EPM2A: variants seen among roughly 807,000 people sequenced by gnomAD.
EPM2A encodes EPM2A glucan phosphatase, laforin.
EPM2A carries 21 observed loss-of-function variants against 26.5 expected under a neutral mutation model. The observed-to-expected ratio is 0.79, with a 90% confidence interval of 0.56 to 1.14. The LOEUF (loss-of-function observed/expected upper bound fraction) is 1.14, where lower values mean the gene tolerates loss of function less well. Among genes scored for constraint, EPM2A ranks in the 50% most tolerant of loss-of-function variants. The pLI is 0.00. For missense variants in EPM2A, 458 were observed against 440.8 expected, an observed-to-expected ratio of 1.04 and a Z score of -0.35; for synonymous variants, 217 against 177.6, an observed-to-expected ratio of 1.22 and a Z score of -1.76.
chr6:145,483,633 T>A (rs1779636260), intron 4 of EPM2A, among the ~76,000 whole-genome samples: 1 of 152,132 alleles, frequency 6.6e-6, no homozygotes, highest in Non-Finnish European at 1.5e-5. Context: ...TGACTTTGAA[T>A]CAGAACTCAA....
intron 2 of EPM2A, among the ~76,000 whole-genome samples, chr6:145,565,098 T>C (rs142478054): frequency 6.6e-6 from 1 of 152,294 alleles, no homozygotes; most frequent in African/African-American, 2.4e-5. Context: ...TTGACTTCTC[T>C]GTTTGTCTGC....
At chr6:145,488,677 G>A (rs192430407) in intron 4 of EPM2A, among the ~76,000 whole-genome samples, 6 of 151,642 alleles carry the variant, frequency 4.0e-5, no homozygotes, top group African/African-American at 7.3e-5. Flanking sequence ...AGGATTGGGG[G>A]AAAAGATTCC....
intron 2 of EPM2A, among the ~76,000 whole-genome samples, chr6:145,596,919 GCTCTGTC>G: frequency 1.0e-5 from 1 of 100,388 alleles, no homozygotes. Context: ...ACGGAGTCTC[GCTCTGTC>G]GCCCAGGCCG....
chr6:145,676,354 C>T (rs930048939), intron 2 of EPM2A, among the ~76,000 whole-genome samples: 1 of 152,020 alleles, frequency 6.6e-6, no homozygotes, highest in African/African-American at 2.4e-5. Context: ...CCTAACATCA[C>T]AATTAAAAGA....
At chr6:145,686,652 T>TTATA (rs1780939259) in intron 1 of EPM2A, among the ~76,000 whole-genome samples, 1 of 150,704 alleles carries the variant, frequency 6.6e-6, no homozygotes, top group Non-Finnish European at 1.5e-5. Context: ...TGCCCCTGTA[T>TTATA]TATACACTTC....
chr6:145,668,372 T>C (rs80117334), intron 2 of EPM2A, among the ~76,000 whole-genome samples: 1,734 of 152,230 alleles, frequency 0.011, 18 homozygotes, highest in Admixed American at 0.02. Context: ...AAATAGATCT[T>C]TTTAAAAAAT....
intron 2 of EPM2A, among the ~76,000 whole-genome samples, chr6:145,683,512 T>C (rs1780705718): frequency 6.6e-6 from 1 of 152,068 alleles, no homozygotes; most frequent in Non-Finnish European, 1.5e-5. Context: ...TGTAAAACTA[T>C]GTTGCTTTAA....
intron 2 of EPM2A, among the ~76,000 whole-genome samples, chr6:145,617,418 G>A (rs968814862): frequency 3.9e-5 from 6 of 152,072 alleles, no homozygotes; most frequent in Non-Finnish European, 8.8e-5. Flanking sequence ...ATACAAAGAG[G>A]ATAGGCTAAA....
intron 2 of EPM2A, among the ~76,000 whole-genome samples, chr6:145,564,787 G>C (rs979119199): frequency 6.6e-6 from 1 of 151,762 alleles, no homozygotes; most frequent in Non-Finnish European, 1.5e-5. Context: ...GGGGGGCAGG[G>C]GGTGTGGAGG....
At chr6:145,471,439 T>G (rs958776087) in intron 4 of EPM2A, among the ~76,000 whole-genome samples, 3 of 152,058 alleles carry the variant, frequency 2.0e-5, no homozygotes, top group Admixed American at 2.0e-4. Flanking sequence ...AACACAATCA[T>G]GAGAATGAAA....
rs772620616 is a variant in EPM2A, at chr6:145,627,450, A to G, written c.962T>C (p.Phe321Ser). The change falls in exon 4 of 4, where the codon TTT (phenylalanine) becomes TCT (serine). Residue 321 changes from phenylalanine (F) to serine (S), a missense_variant. Physicochemically the swap from Phe to Ser is radical, Grantham distance 155. Transcript: ENST00000367519. ...ARAQEDFFQK[F>S]GKVRSSVCSL ...ACACACAGAAGAACGAACCTTCCCAAATTTCTGGAAAAAATCTTCTTGTGC... is the reference window on the plus strand; with the variant it reads ...ACACACAGAAGAACGAACCTTCCCAGATTTCTGGAAAAAATCTTCTTGTGC... The G allele has an allele frequency of 6.2e-7, 1 of 1,614,070 alleles. No individual in the cohort carries two copies. The highest frequency in any genetic ancestry group is 8.5e-7 in the Non-Finnish European group (1 of 1,180,040).
At chr6:145,582,320 G>A (rs1562391231) in intron 2 of EPM2A, among the ~76,000 whole-genome samples, 1 of 151,882 alleles carries the variant, frequency 6.6e-6, no homozygotes, top group Admixed American at 6.6e-5. Flanking sequence ...GTCTGATTTT[G>A]TTTTTTTAAA....
intron 1 of EPM2A, among the ~76,000 whole-genome samples, chr6:145,709,785 G>C (rs552658185): frequency 6.6e-6 from 1 of 152,154 alleles, no homozygotes; most frequent in East Asian, 1.9e-4. Context: ...TCATGTAGAA[G>C]ACATAAGGAA....
intron 1 of EPM2A, among the ~76,000 whole-genome samples, chr6:145,732,068 T>TTAC (rs1372848327): frequency 6.6e-6 from 1 of 152,228 alleles, no homozygotes; most frequent in Non-Finnish European, 1.5e-5. Context: ...CTCTCTGATT[T>TTAC]TACCATTTCT....
intron 2 of EPM2A, among the ~76,000 whole-genome samples, chr6:145,544,079 C>G (rs1379754172): frequency 6.6e-6 from 1 of 152,146 alleles, no homozygotes. Flanking sequence ...AGAAAATGGA[C>G]AAATTATTAA....
intron 2 of EPM2A, among the ~76,000 whole-genome samples, chr6:145,668,579 A>T (rs1779408728): frequency 6.6e-6 from 1 of 152,158 alleles, no homozygotes; most frequent in Admixed American, 6.5e-5. Flanking sequence ...GCAAGAAAGT[A>T]GAGACCCTGT....
chr6:145,656,860 C>G (rs1778330705), intron 2 of EPM2A, among the ~76,000 whole-genome samples: 1 of 152,126 alleles, frequency 6.6e-6, no homozygotes, highest in African/African-American at 2.4e-5. Flanking sequence ...GGTCTGGCAA[C>G]ATGGAATTTG....
At chr6:145,574,170 T>G (rs536524849) in intron 2 of EPM2A, among the ~76,000 whole-genome samples, 59 of 152,228 alleles carry the variant, frequency 3.9e-4, no homozygotes, top group Admixed American at 6.5e-4. Flanking sequence ...GGGGCCATGA[T>G]TCTCTGATTT....
chr6:145,478,583 T>C (rs1431408883), intron 4 of EPM2A, among the ~76,000 whole-genome samples: 1 of 151,870 alleles, frequency 6.6e-6, no homozygotes, highest in East Asian at 1.9e-4. Flanking sequence ...AACAGACACA[T>C]AGGCCAATGT....
Sources: allele counts gnomAD v4.1 joint callset (sites outside exome capture counted in the v4.1 genomes callset), GRCh38; gene constraint gnomAD v4.1.1; transcripts MANE v1.5; gene names NCBI Gene and HGNC (gene_info 2026-07-23, HGNC 2026-07-21).